UBE2E2: variants seen among roughly 807,000 people sequenced by gnomAD.
UBE2E2 encodes the protein ubiquitin-conjugating enzyme E2 E2.
Under a neutral mutation model 24.7 loss-of-function variants are expected in UBE2E2, and 6 were observed. The ratio of observed to expected loss-of-function variants is 0.24; its 90% confidence interval spans 0.13 to 0.48. UBE2E2 has a LOEUF of 0.48. Among genes scored for constraint, UBE2E2 ranks in the 20% least tolerant of loss-of-function variants. The pLI is 0.99. For synonymous variants in UBE2E2, 104 were observed against 83.6 expected, an observed-to-expected ratio of 1.24 and a Z score of -1.33; for missense variants, 169 against 245.0, an observed-to-expected ratio of 0.69 and a Z score of 2.07.
At chr3:23,469,954 A>G (rs1164137098) in intron 3 of UBE2E2, among the ~76,000 whole-genome samples, 1 of 152,202 alleles carries the variant, frequency 6.6e-6, no homozygotes, top group Non-Finnish European at 1.5e-5. Flanking sequence ...TGCCTTGTTT[A>G]TCTGACAAGC....
chr3:23,477,904 C>T (rs539303582), intron 3 of UBE2E2, among the ~76,000 whole-genome samples: 17 of 152,248 alleles, frequency 1.1e-4, no homozygotes, highest in South Asian at 2.1e-4. Context: ...TTTTATAAGG[C>T]GCTTTTCCCC....
intron 3 of UBE2E2, among the ~76,000 whole-genome samples, chr3:23,442,202 A>G (rs924800710): frequency 3.9e-5 from 6 of 152,190 alleles, no homozygotes; most frequent in African/African-American, 1.4e-4. Context: ...ATCAGGGTGA[A>G]GATCAGGCAG....
intron 3 of UBE2E2, among the ~76,000 whole-genome samples, chr3:23,480,512 G>A (rs1695192): frequency 2.6e-5 from 4 of 151,994 alleles, no homozygotes; most frequent in South Asian, 2.1e-4. Flanking sequence ...TCCCAGCCCC[G>A]ACCGGTTCCA....
At chr3:23,265,207 G>C (rs1015094778) in intron 3 of UBE2E2, among the ~76,000 whole-genome samples, 2 of 152,180 alleles carry the variant, frequency 1.3e-5, no homozygotes, top group Non-Finnish European at 1.5e-5. Flanking sequence ...TTGAAGATTA[G>C]AAAAGCAGTA....
At chr3:23,227,645 G>A (rs1696862405) in intron 3 of UBE2E2, among the ~76,000 whole-genome samples, 1 of 152,040 alleles carries the variant, frequency 6.6e-6, no homozygotes, top group African/African-American at 2.4e-5. Flanking sequence ...GAGTGGTTTT[G>A]GATAGACTTT....
chr3:23,235,290 A>G (rs1697075334), intron 3 of UBE2E2, among the ~76,000 whole-genome samples: 2 of 152,150 alleles, frequency 1.3e-5, no homozygotes, highest in Non-Finnish European at 2.9e-5. Flanking sequence ...AAGCTTTTCT[A>G]AGGAGGTGAA....
chr3:23,212,873 A>G (rs772261270), intron 2 of UBE2E2, among the ~76,000 whole-genome samples: 14 of 152,164 alleles, frequency 9.2e-5, no homozygotes, highest in Admixed American at 8.5e-4. Flanking sequence ...TCAGAATCAT[A>G]GATATATAGT....
intron 3 of UBE2E2, among the ~76,000 whole-genome samples, chr3:23,498,339 A>G (rs543630108): frequency 6.6e-6 from 1 of 152,338 alleles, no homozygotes; most frequent in South Asian, 2.1e-4. Flanking sequence ...TTTCAAATAT[A>G]AAAACTTTTC....
chr3:23,254,894 CTTT>C (rs952928566), intron 3 of UBE2E2, among the ~76,000 whole-genome samples: 1 of 151,510 alleles, frequency 6.6e-6, no homozygotes, highest in Non-Finnish European at 1.5e-5. Flanking sequence ...AACTCAGCTT[CTTT>C]AAGGCTTTTT....
At chr3:23,436,253 G>GTTATAC (rs1277234185) in intron 3 of UBE2E2, among the ~76,000 whole-genome samples, 1 of 152,076 alleles carries the variant, frequency 6.6e-6, no homozygotes, top group Non-Finnish European at 1.5e-5. Flanking sequence ...TTAATTTTAG[G>GTTATAC]TGTTATACCA....
Position 23,395,931 on chromosome 3 carries a change from A to G in UBE2E2, c.228-103677A>G, listed in dbSNP as rs532391925. ...AATATAATGAAATGGAATTTCATGC[A>G]ACTCAATTAAATTAGCTTCTTTACC... On this transcript the variant is annotated intron_variant, in intron 3 of 5. Coordinates refer to ENST00000396703, the MANE Select transcript of UBE2E2 (RefSeq NM_152653.4). Among the ~76,000 whole-genome samples the G allele has an allele frequency of 2.6e-5, 4 of 152,314 alleles. No individual in the cohort carries two copies. In the East Asian group the frequency reaches 5.8e-4, roughly 22 times the overall value.
chr3:23,580,203 C>T (rs1160958818), intron 5 of UBE2E2, among the ~76,000 whole-genome samples: 2 of 152,140 alleles, frequency 1.3e-5, no homozygotes, highest in Admixed American at 6.5e-5. Context: ...GGCTTGATTC[C>T]GATTTTGAAA....
At chr3:23,318,830 A>G (rs927173426) in intron 3 of UBE2E2, among the ~76,000 whole-genome samples, 1 of 152,200 alleles carries the variant, frequency 6.6e-6, no homozygotes, top group Non-Finnish European at 1.5e-5. Flanking sequence ...AACCATATCA[A>G]ACACTTCCCA....
chr3:23,565,444 C>CTTTTT (rs574461544), intron 5 of UBE2E2, among the ~76,000 whole-genome samples: 8 of 46,246 alleles, frequency 1.7e-4, no homozygotes, highest in East Asian at 7.1e-4. Context: ...ATAGGCATGG[C>CTTTTT]TTTTTTTTTT....
intron 3 of UBE2E2, among the ~76,000 whole-genome samples, chr3:23,276,321 GAAAC>G (rs1469564216): frequency 3.3e-5 from 5 of 151,884 alleles, no homozygotes; most frequent in Middle Eastern, 3.4e-3. Context: ...TTAGTTTTAA[GAAAC>G]AAACCTTTTA....
At chr3:23,274,930 G>A (rs983875440) in intron 3 of UBE2E2, among the ~76,000 whole-genome samples, 3 of 152,066 alleles carry the variant, frequency 2.0e-5, no homozygotes, top group Admixed American at 1.3e-4. Context: ...AATAATTACA[G>A]CTAACTTGTT....
At chr3:23,488,383 C>G (rs944228562) in intron 3 of UBE2E2, among the ~76,000 whole-genome samples, 2 of 151,992 alleles carry the variant, frequency 1.3e-5, no homozygotes, top group African/African-American at 4.8e-5. Flanking sequence ...GCCGACAGGC[C>G]CCGATGTGTG....
At chr3:23,291,406 A>G (rs1048468421) in intron 3 of UBE2E2, among the ~76,000 whole-genome samples, 1 of 152,216 alleles carries the variant, frequency 6.6e-6, no homozygotes, top group Non-Finnish European at 1.5e-5. Context: ...AGAAATCTTT[A>G]TCTGTCTTTT....
chr3:23,394,842 C>A (rs574284500), intron 3 of UBE2E2, among the ~76,000 whole-genome samples: 1 of 152,186 alleles, frequency 6.6e-6, no homozygotes, highest in Non-Finnish European at 1.5e-5. Flanking sequence ...TTTCAGTCCA[C>A]TCAATTCTTG....
Sources: gnomAD v4.1 joint callset for allele counts (sites outside exome capture counted in the v4.1 genomes callset) on GRCh38, gnomAD v4.1.1 for gene constraint, MANE v1.5 for transcripts, NCBI Gene and HGNC (gene_info 2026-07-23, HGNC 2026-07-21) for gene names.